Variants in KIF20B observed in about 807,000 individuals in gnomAD.
KIF20B encodes kinesin-like protein KIF20B.
A neutral mutation model predicts 232.5 loss-of-function variants in KIF20B; 188 were observed. That is an observed-to-expected ratio of 0.81 (90% CI 0.72 to 0.91). KIF20B has a LOEUF of 0.91. Among genes scored for constraint, KIF20B ranks in the 40% least tolerant of loss-of-function variants. The pLI is 0.00. For missense variants in KIF20B, 2,154 were observed against 2,055.9 expected (o/e 1.05, Z -0.92); for synonymous variants, 712 against 683.0 (o/e 1.04, Z -0.66).
chr10:89,730,918 G>T (rs1344432173), intron 18 of KIF20B, among the ~76,000 whole-genome samples: 1 of 152,188 alleles, frequency 6.6e-6, no homozygotes, highest in African/African-American at 2.4e-5. Context: ...AGAGAGACCA[G>T]ATAGCTACCT....
In KIF20B at chr10:89,705,385, G is replaced by A. The variant is rs370731821; in HGVS notation, c.91G>A (p.Asp31Asn). The change falls in exon 2 of 33, where the codon GAT becomes AAT. Residue 31 changes from aspartate to asparagine, a missense_variant. By Grantham distance (23) the Asp-to-Asn change is conservative. Coordinates refer to ENST00000371728, the MANE Select transcript of KIF20B (RefSeq NM_001284259.2). ...PIARPSEINF[D>N]GIKLDLSHEF... ...TGCAAGGCCTTCAGAAATAAATTTC[G>A]ATGGCATTAAGCTTGATCTGTCTCA... is the stretch of plus-strand genomic sequence containing the variant. 4.4e-5 allele frequency: 71 copies of A among 1,613,828 alleles called. No homozygotes were observed. Among genetic ancestry groups the A allele is most frequent in the Non-Finnish European group, 5.9e-5 (70 of 1,179,934 alleles).
chr10:89,714,933 T>A, intron 7 of KIF20B, 22 bp from the exon 8 acceptor site: 1 of 1,388,368 alleles, frequency 7.2e-7, no homozygotes, highest in Non-Finnish European at 9.8e-7. Context: ...GTGATTGTTT[T>A]TTCTTTTTCT....
At chr10:89,705,992 G>T (rs1484934297) in intron 2 of KIF20B, among the ~76,000 whole-genome samples, 1 of 152,122 alleles carries the variant, frequency 6.6e-6, no homozygotes, top group South Asian at 2.1e-4. Context: ...ACATTCATGT[G>T]CAAGCCTTTT....
rs551267859 is a variant in KIF20B, at chr10:89,717,556, C to CT, written c.1125-11dup. 216 of 1,580,810 alleles carry CT rather than the reference C, an allele frequency of 1.4e-4. No individual in the cohort carries two copies. The highest frequency in any genetic ancestry group is 1.7e-4 in the South Asian group (15 of 87,598). ...ATTGTTTTGAAGAACTTTTAAAGTA[C>CT]TTTTTTTTTCTTAATTCAGATTATC... On this transcript the variant is annotated intron_variant, in intron 10 of 32. Coordinates refer to ENST00000371728, the MANE Select transcript of KIF20B (RefSeq NM_001284259.2).
intron 17 of KIF20B, among the ~76,000 whole-genome samples, chr10:89,728,516 T>C (rs1843239774): frequency 6.6e-6 from 1 of 151,978 alleles, no homozygotes; most frequent in Admixed American, 6.6e-5. Context: ...TAGTTTTATT[T>C]ATTTATTGTT....
At chr10:89,729,461 A>G (rs1659521141) in intron 18 of KIF20B, among the ~76,000 whole-genome samples, 1 of 152,198 alleles carries the variant, frequency 6.6e-6, no homozygotes. Flanking sequence ...CTTTTCCACA[A>G]GATACGCTGG....
intron 19 of KIF20B, among the ~76,000 whole-genome samples, chr10:89,735,415 A>G (rs1033597220): frequency 3.3e-5 from 5 of 152,118 alleles, no homozygotes; most frequent in African/African-American, 1.2e-4. Context: ...AGAGACAAAC[A>G]TATTTCAATA....
intron 13 of KIF20B, among the ~76,000 whole-genome samples, chr10:89,721,372 G>A (rs1843053315): frequency 6.6e-6 from 1 of 152,088 alleles, no homozygotes; most frequent in Admixed American, 6.6e-5. Context: ...GACGAAAGGA[G>A]CCTTTAATAG....
chr10:89,773,607 A>G (rs1287652639), intron 32 of KIF20B, among the ~76,000 whole-genome samples: 3 of 151,998 alleles, frequency 2.0e-5, no homozygotes, highest in African/African-American at 4.8e-5. Context: ...CTTAGTTACT[A>G]TATAATGTGC....
chr10:89,740,983 A>G (rs1003036891), intron 21 of KIF20B, among the ~76,000 whole-genome samples: 1 of 152,220 alleles, frequency 6.6e-6, no homozygotes, highest in African/African-American at 2.4e-5. Context: ...GGCTGCTTTA[A>G]GGATGATTCA....
At chr10:89,722,254 A>T (rs561306309) in intron 13 of KIF20B, among the ~76,000 whole-genome samples, 1 of 152,370 alleles carries the variant, frequency 6.6e-6, no homozygotes, top group South Asian at 2.1e-4. Context: ...AAAAACCATT[A>T]TAAAATACCT....
At chr10:89,768,653 C>A in intron 30 of KIF20B, 85 bp from the exon 31 acceptor site, 1 of 1,272,584 alleles carries the variant, frequency 7.9e-7, no homozygotes, top group South Asian at 1.5e-5. Flanking sequence ...TAACCTGTCT[C>A]TGGCCTCTTT....
chr10:89,757,040 G>GTGTGTGTGTGTATATA (rs1301847520), intron 26 of KIF20B, among the ~76,000 whole-genome samples: 2 of 110,750 alleles, frequency 1.8e-5, no homozygotes, highest in African/African-American at 6.7e-5. Context: ...GTGTGTGTGT[G>GTGTGTGTGTGTATATA]TATATATATA....
intron 6 of KIF20B, among the ~76,000 whole-genome samples, chr10:89,713,497 G>A (rs982192874): frequency 1.3e-5 from 2 of 152,016 alleles, no homozygotes; most frequent in Non-Finnish European, 2.9e-5. Context: ...AAGCAAATTG[G>A]CAATAGTGTG....
intron 6 of KIF20B, among the ~76,000 whole-genome samples, chr10:89,712,184 TA>T (rs1249081332): frequency 6.6e-6 from 1 of 152,184 alleles, no homozygotes; most frequent in African/African-American, 2.4e-5. Context: ...TGTATTAGTG[TA>T]TGGGTTGCAA....
At chr10:89,759,658 G>A (rs1842198040) in intron 27 of KIF20B, among the ~76,000 whole-genome samples, 1 of 152,058 alleles carries the variant, frequency 6.6e-6, no homozygotes, top group Admixed American at 6.6e-5. Context: ...CCTTTGAGAA[G>A]AATTACTTAA....
At chr10:89,771,115 G>T (rs921517278) in intron 31 of KIF20B, among the ~76,000 whole-genome samples, 2 of 151,806 alleles carry the variant, frequency 1.3e-5, no homozygotes, top group African/African-American at 4.8e-5. Context: ...TGTCTTAGCT[G>T]GCCCCTTACC....
intron 1 of KIF20B, among the ~76,000 whole-genome samples, chr10:89,702,744 A>T (rs938919604): frequency 1.4e-5 from 2 of 142,100 alleles, no homozygotes; most frequent in African/African-American, 5.5e-5. Context: ...AATATTACAG[A>T]CTAGGACCGA....
chr10:89,745,109 T>C (rs749595141), intron 22 of KIF20B, among the ~76,000 whole-genome samples: 2 of 152,366 alleles, frequency 1.3e-5, no homozygotes, highest in Admixed American at 6.5e-5. Flanking sequence ...ATGGTTTTTC[T>C]TGTTCCTTCT....
Sources: allele counts gnomAD v4.1 joint callset (sites outside exome capture counted in the v4.1 genomes callset), GRCh38; gene constraint gnomAD v4.1.1; transcripts MANE v1.5; gene names NCBI Gene and HGNC (gene_info 2026-07-23, HGNC 2026-07-21).